TTC28: variants seen among roughly 807,000 people sequenced by gnomAD.
TTC28 encodes the protein tetratricopeptide repeat domain 28.
Under a neutral mutation model 198.0 loss-of-function variants are expected in TTC28, and 61 were observed. The observed-to-expected ratio is 0.31, with a 90% CI of 0.25 to 0.38. TTC28 has a LOEUF of 0.38. Among genes scored for constraint, TTC28 ranks in the 10% least tolerant of loss-of-function variants. TTC28 has a pLI of 1.00. For missense variants in TTC28, 2,678 were observed against 3,164.0 expected, an observed-to-expected ratio of 0.85 and a Z score of 3.69; for synonymous variants, 1,171 against 1,297.8, an observed-to-expected ratio of 0.90 and a Z score of 2.10.
chr22:28,118,596 G>C (rs975169320), intron 6 of TTC28, among the ~76,000 whole-genome samples: 4 of 152,032 alleles, frequency 2.6e-5, no homozygotes, highest in Non-Finnish European at 5.9e-5. Flanking sequence ...TTGTAGCCTA[G>C]GAGCAGTCAG....
chr22:28,546,058 A>C (rs2049534804), intron 2 of TTC28, among the ~76,000 whole-genome samples: 1 of 152,256 alleles, frequency 6.6e-6, no homozygotes, highest in Non-Finnish European at 1.5e-5. Context: ...TAGAAGACTT[A>C]TGCTACCTGA....
chr22:28,553,482 C>T (rs1449664951), intron 2 of TTC28, among the ~76,000 whole-genome samples: 3 of 151,754 alleles, frequency 2.0e-5, no homozygotes, highest in Admixed American at 6.6e-5. Context: ...GCCGCAACCC[C>T]GTCTGGGAGG....
At chr22:28,471,731 T>C (rs1346888385) in intron 2 of TTC28, among the ~76,000 whole-genome samples, 1 of 152,182 alleles carries the variant, frequency 6.6e-6, no homozygotes, top group African/African-American at 2.4e-5. Flanking sequence ...TTTCCTCTAA[T>C]CCACTGAACC....
intron 5 of TTC28, among the ~76,000 whole-genome samples, chr22:28,197,701 G>A (rs1925517219): frequency 6.6e-6 from 1 of 151,942 alleles, no homozygotes; most frequent in South Asian, 2.1e-4. Flanking sequence ...CATAAATAAG[G>A]ACTGGGAGCA....
intron 1 of TTC28, among the ~76,000 whole-genome samples, chr22:28,642,191 A>G (rs1047999572): frequency 2.1e-4 from 32 of 151,984 alleles, no homozygotes; most frequent in Admixed American, 2.0e-3. Context: ...AGAAAAATAA[A>G]ATCATTTTTA....
At chr22:28,618,574 G>T (rs770322783) in intron 2 of TTC28, among the ~76,000 whole-genome samples, 1 of 150,574 alleles carries the variant, frequency 6.6e-6, no homozygotes, top group Admixed American at 6.6e-5. Context: ...CCCAGCTACT[G>T]GGGAGGCTGA....
intron 2 of TTC28, among the ~76,000 whole-genome samples, chr22:28,416,215 C>T (rs2146151303): frequency 6.6e-6 from 1 of 152,290 alleles, no homozygotes; most frequent in East Asian, 1.9e-4. Flanking sequence ...CCTCTGGTTC[C>T]ATTAACTTCA....
intron 5 of TTC28, among the ~76,000 whole-genome samples, chr22:28,233,066 C>G (rs2147233233): frequency 6.6e-6 from 1 of 151,842 alleles, no homozygotes; most frequent in South Asian, 2.1e-4. Flanking sequence ...CACACCATTG[C>G]ACTCCAACCT....
At chr22:28,269,680 G>C (rs1043746711) in intron 5 of TTC28, among the ~76,000 whole-genome samples, 1 of 152,220 alleles carries the variant, frequency 6.6e-6, no homozygotes, top group Non-Finnish European at 1.5e-5. Flanking sequence ...AATTAGAGTA[G>C]TTTGCAAGGA....
At chr22:28,111,292 C>G (rs1005815628) in intron 6 of TTC28, among the ~76,000 whole-genome samples, 1 of 152,024 alleles carries the variant, frequency 6.6e-6, no homozygotes, top group African/African-American at 2.4e-5. Flanking sequence ...GAGATGTCAC[C>G]AGGATCCTTG....
At chr22:28,161,833 G>T (rs1392209607) in intron 6 of TTC28, among the ~76,000 whole-genome samples, 10 of 131,814 alleles carry the variant, frequency 7.6e-5, no homozygotes, top group African/African-American at 2.8e-4. Flanking sequence ...AGGGAGGGAG[G>T]GGAAGGAAGA....
chr22:28,453,390 C>A (rs533494761), intron 2 of TTC28, among the ~76,000 whole-genome samples: 72 of 152,286 alleles, frequency 4.7e-4, no homozygotes, highest in Admixed American at 4.6e-3. Context: ...TAACTACCAT[C>A]TCTTAATTCA....
At chr22:28,021,668 C>T (rs1341797344) in intron 13 of TTC28, among the ~76,000 whole-genome samples, 1 of 152,162 alleles carries the variant, frequency 6.6e-6, no homozygotes, top group African/African-American at 2.4e-5. Flanking sequence ...CTGATCTTAA[C>T]GCTTGAACAC....
At chr22:27,989,470 G>A (rs1319165268) in intron 21 of TTC28, among the ~76,000 whole-genome samples, 1 of 152,126 alleles carries the variant, frequency 6.6e-6, no homozygotes, top group Non-Finnish European at 1.5e-5. Flanking sequence ...AGAGGAAATG[G>A]CACAAAGCCA....
intron 6 of TTC28, among the ~76,000 whole-genome samples, chr22:28,145,978 A>T (rs1943460498): frequency 6.6e-6 from 1 of 152,208 alleles, no homozygotes; most frequent in Admixed American, 6.5e-5. Flanking sequence ...GTCCAGGCTC[A>T]GGAAGCCAGA....
chr22:28,623,256 C>A (rs992295428), intron 2 of TTC28, among the ~76,000 whole-genome samples: 2 of 151,978 alleles, frequency 1.3e-5, no homozygotes, highest in Admixed American at 6.6e-5. Flanking sequence ...CCAGGTCAGA[C>A]AAAATAGTTT....
At chr22:28,328,737 G>A (rs1317095285) in intron 2 of TTC28, among the ~76,000 whole-genome samples, 6 of 145,618 alleles carry the variant, frequency 4.1e-5, no homozygotes, top group Non-Finnish European at 9.0e-5. Flanking sequence ...CTGAGCCACA[G>A]ATCGAGACTC....
chr22:28,582,428 T>C (rs1320443119), intron 2 of TTC28, among the ~76,000 whole-genome samples: 3 of 152,194 alleles, frequency 2.0e-5, no homozygotes, highest in African/African-American at 7.2e-5. Flanking sequence ...AACAGTACTG[T>C]ATAAAAACAG....
intron 5 of TTC28, among the ~76,000 whole-genome samples, chr22:28,281,470 A>G (rs938595802): frequency 1.2e-4 from 18 of 152,032 alleles, no homozygotes; most frequent in Non-Finnish European, 2.6e-4. Context: ...GAGATTTCCT[A>G]TCCACTCTTT....
Sources: allele counts gnomAD v4.1 joint callset (sites outside exome capture counted in the v4.1 genomes callset), GRCh38; gene constraint gnomAD v4.1.1; transcripts MANE v1.5; gene names NCBI Gene and HGNC (gene_info 2026-07-23, HGNC 2026-07-21).